Variants in PDE4B observed in about 807,000 individuals in gnomAD.
PDE4B encodes phosphodiesterase 4B, also known as 3',5'-cyclic-AMP phosphodiesterase 4B.
PDE4B carries 20 observed loss-of-function variants against 82.2 expected under a neutral mutation model. The ratio of observed to expected loss-of-function variants is 0.24; its 90% CI spans 0.17 to 0.35. PDE4B has a LOEUF of 0.35. Ranked by LOEUF, PDE4B falls within the 10% of genes least tolerant of loss-of-function variation. The pLI, the probability that PDE4B is intolerant of heterozygous loss-of-function variation, is 1.00. For missense variants in PDE4B, 655 were observed against 907.2 expected, an observed-to-expected ratio of 0.72 and a Z score of 3.57; for synonymous variants, 320 against 318.9, an observed-to-expected ratio of 1.00 and a Z score of -0.04.
chr1:66,136,260 A>G (rs1254551549), intron 3 of PDE4B, among the ~76,000 whole-genome samples: 1 of 152,164 alleles, frequency 6.6e-6, no homozygotes, highest in African/African-American at 2.4e-5. Flanking sequence ...ACTAGTTGAT[A>G]TTTGTTCTTC....
intron 3 of PDE4B, among the ~76,000 whole-genome samples, chr1:66,109,790 C>T (rs941932092): frequency 6.6e-6 from 1 of 151,896 alleles, no homozygotes; most frequent in African/African-American, 2.4e-5. Flanking sequence ...ATGTACCCAT[C>T]ACCCAAATAG....
At chr1:66,041,069 A>G (rs1654341155) in intron 3 of PDE4B, among the ~76,000 whole-genome samples, 2 of 151,938 alleles carry the variant, frequency 1.3e-5, no homozygotes, top group South Asian at 4.1e-4. Context: ...GTTGAACAGA[A>G]TAATTCCTTT....
chr1:65,886,108 A>C (rs1240800899), intron 1 of PDE4B, among the ~76,000 whole-genome samples: 1 of 151,722 alleles, frequency 6.6e-6, no homozygotes, highest in Non-Finnish European at 1.5e-5. Flanking sequence ...ACATTTTGAA[A>C]TGACATTTGT....
intron 3 of PDE4B, among the ~76,000 whole-genome samples, chr1:66,124,918 C>CATGTGTGT (rs143322333): frequency 5.4e-5 from 8 of 147,992 alleles, no homozygotes; most frequent in African/African-American, 2.0e-4. Flanking sequence ...TGTGTGTATG[C>CATGTGTGT]GTGTGTGTGT....
intron 3 of PDE4B, among the ~76,000 whole-genome samples, chr1:66,110,262 G>C (rs980122514): frequency 1.3e-5 from 2 of 152,010 alleles, no homozygotes; most frequent in African/African-American, 4.8e-5. Context: ...GGTAACTTCT[G>C]TGACATTTCT....
intron 3 of PDE4B, among the ~76,000 whole-genome samples, chr1:66,203,935 G>A (rs1295724440): frequency 1.3e-5 from 2 of 152,108 alleles, no homozygotes; most frequent in African/African-American, 4.8e-5. Flanking sequence ...GCTTTTTAGA[G>A]TTTCCAGTTT....
chr1:66,370,540 A>G (rs2050711664), intron 16 of PDE4B, among the ~76,000 whole-genome samples: 1 of 152,104 alleles, frequency 6.6e-6, no homozygotes, highest in South Asian at 2.1e-4. Flanking sequence ...TCCTGTTGCC[A>G]TGACATCGTT....
intron 6 of PDE4B, among the ~76,000 whole-genome samples, chr1:66,260,584 T>C (rs1471459743): frequency 2.6e-5 from 4 of 152,192 alleles, no homozygotes; most frequent in East Asian, 1.9e-4. Flanking sequence ...AACCACTACA[T>C]TGCACAGCAC....
At chr1:66,152,880 T>G (rs1646431662) in intron 3 of PDE4B, among the ~76,000 whole-genome samples, 1 of 152,104 alleles carries the variant, frequency 6.6e-6, no homozygotes, top group Non-Finnish European at 1.5e-5. Context: ...CTGGGAAATG[T>G]GTTTTTGCTC....
At chr1:65,970,054 C>G (rs1223662000) in intron 3 of PDE4B, among the ~76,000 whole-genome samples, 1 of 151,820 alleles carries the variant, frequency 6.6e-6, no homozygotes, top group Admixed American at 6.6e-5. Context: ...TAATATACAT[C>G]TTAAAGTATT....
intron 3 of PDE4B, among the ~76,000 whole-genome samples, chr1:65,924,779 C>T (rs552547504): frequency 6.6e-6 from 1 of 152,330 alleles, no homozygotes; most frequent in South Asian, 2.1e-4. Flanking sequence ...ACTAGAAATA[C>T]CAGTTCCTTG....
Position 65,852,281 on chromosome 1 carries a change from T to C in PDE4B, c.-71+59033T>C, listed in dbSNP as rs569149961. 1.8e-4 allele frequency among the ~76,000 whole-genome samples: 27 copies of C among 152,104 alleles called. No homozygotes were observed. The South Asian group carries it at 2.3e-3, about 13-fold the overall frequency. ...GGTTTCTAAAAGATTTTATGTAGGA[T>C]TGGCATTATTTTTTACTTAAATATT... On this transcript the variant is annotated intron_variant, in intron 1 of 16. Transcript: ENST00000341517.
chr1:66,356,133 GTTAT>G (rs1439071480), intron 9 of PDE4B, among the ~76,000 whole-genome samples: 1 of 152,184 alleles, frequency 6.6e-6, no homozygotes, highest in East Asian at 1.9e-4. Flanking sequence ...GCTTTGCTAA[GTTAT>G]TTATTAAAGA....
At chr1:65,849,072 G>A (rs2101380078) in intron 1 of PDE4B, among the ~76,000 whole-genome samples, 1 of 152,284 alleles carries the variant, frequency 6.6e-6, no homozygotes, top group South Asian at 2.1e-4. Flanking sequence ...TAGAGAACAT[G>A]GGATTAGCAG....
intron 3 of PDE4B, among the ~76,000 whole-genome samples, chr1:66,106,144 C>A (rs937732969): frequency 1.4e-4 from 22 of 152,256 alleles, no homozygotes; most frequent in African/African-American, 3.4e-4. Flanking sequence ...GAGTTTTTAG[C>A]ATGAAGCATT....
intron 3 of PDE4B, among the ~76,000 whole-genome samples, chr1:66,011,458 C>T (rs1214952278): frequency 7.2e-5 from 11 of 151,974 alleles, no homozygotes; most frequent in Non-Finnish European, 1.5e-4. Context: ...ATCTTTTTAC[C>T]CTGTGCTACA....
At chr1:65,879,621 G>T (rs1646687905) in intron 1 of PDE4B, among the ~76,000 whole-genome samples, 1 of 152,154 alleles carries the variant, frequency 6.6e-6, no homozygotes, top group South Asian at 2.1e-4. Flanking sequence ...CTAGAACCCA[G>T]TTAGGTAGGC....
At chr1:66,109,421 G>A (rs1343639035) in intron 3 of PDE4B, among the ~76,000 whole-genome samples, 1 of 151,694 alleles carries the variant, frequency 6.6e-6, no homozygotes, top group Non-Finnish European at 1.5e-5. Flanking sequence ...GAGCAGTAAG[G>A]TTTGCCCAAT....
intron 3 of PDE4B, among the ~76,000 whole-genome samples, chr1:66,029,218 C>A (rs780824612): frequency 1.3e-5 from 2 of 152,236 alleles, no homozygotes; most frequent in South Asian, 2.1e-4. Context: ...AAGCAGAAAC[C>A]CTTAATAAAC....
Sources: gnomAD v4.1 joint callset for allele counts (sites outside exome capture counted in the v4.1 genomes callset) on GRCh38, gnomAD v4.1.1 for gene constraint, MANE v1.5 for transcripts, NCBI Gene and HGNC (gene_info 2026-07-23, HGNC 2026-07-21) for gene names.